R3HDM2: variants seen among roughly 807,000 people sequenced by gnomAD.
R3HDM2 encodes the protein R3H domain containing 2.
Under a neutral mutation model 124.5 loss-of-function variants are expected in R3HDM2, and 38 were observed. That is an observed-to-expected ratio of 0.31 (90% CI 0.24 to 0.40). The LOEUF (loss-of-function observed/expected upper bound fraction) is 0.40. Among genes scored for constraint, R3HDM2 ranks in the 10% least tolerant of loss-of-function variants. R3HDM2 has a pLI of 1.00. For missense variants in R3HDM2, 869 were observed against 1,236.9 expected, an observed-to-expected ratio of 0.70 and a Z score of 4.46; for synonymous variants, 391 against 448.0, an observed-to-expected ratio of 0.87 and a Z score of 1.61.
chr12:57,379,063 A>G (rs574894942), intron 2 of R3HDM2, among the ~76,000 whole-genome samples: 5 of 152,278 alleles, frequency 3.3e-5, no homozygotes, highest in Admixed American at 3.3e-4. Context: ...GCTGGGGGAA[A>G]GGGGGAGAGG....
At chr12:57,330,285 T>C (rs2057950989) in intron 2 of R3HDM2, among the ~76,000 whole-genome samples, 4 of 150,516 alleles carry the variant, frequency 2.7e-5, no homozygotes, top group Admixed American at 2.7e-4. Flanking sequence ...ATTATTAATG[T>C]ACAGAAATGC....
intron 2 of R3HDM2, among the ~76,000 whole-genome samples, chr12:57,326,687 G>A (rs1166869642): frequency 6.6e-6 from 1 of 152,206 alleles, no homozygotes; most frequent in Non-Finnish European, 1.5e-5. Context: ...TTTCAGTGTA[G>A]ACAAAAGAGC....
chr12:57,360,047 ATTTTTTT>A (rs57288626), intron 2 of R3HDM2, among the ~76,000 whole-genome samples: 2 of 113,380 alleles, frequency 1.8e-5, no homozygotes, highest in African/African-American at 3.4e-5. Context: ...ATATATATAT[ATTTTTTT>A]TTTTTTTTTG....
At chr12:57,394,537 G>T (rs1462550701) in intron 2 of R3HDM2, among the ~76,000 whole-genome samples, 1 of 152,128 alleles carries the variant, frequency 6.6e-6, no homozygotes, top group African/African-American at 2.4e-5. Flanking sequence ...GATGGCGCAT[G>T]TATACCTTTA....
chr12:57,256,136 A>G (rs1160560457), intron 22 of R3HDM2, 62 bp from the exon 23 acceptor site: 6 of 1,507,072 alleles, frequency 4.0e-6, no homozygotes, highest in Non-Finnish European at 4.6e-6. Context: ...TTGCATCAGA[A>G]TGTCTGCCTG....
chr12:57,278,396 G>T (rs929400891), intron 14 of R3HDM2, among the ~76,000 whole-genome samples: 1 of 152,024 alleles, frequency 6.6e-6, no homozygotes, highest in African/African-American at 2.4e-5. Context: ...TTGCCGTCTC[G>T]TCTGTTTCTA....
intron 1 of R3HDM2, among the ~76,000 whole-genome samples, chr12:57,396,938 A>C (rs1349235902): frequency 1.3e-5 from 2 of 152,112 alleles, no homozygotes; most frequent in East Asian, 1.9e-4. Context: ...CTAAAAATAC[A>C]AAAAATTAGC....
chr12:57,320,467 G>A lies in R3HDM2; in HGVS notation c.-35-10004C>T, dbSNP rs188778571. Among the ~76,000 whole-genome samples, 11 of 151,964 alleles carry A rather than the reference G, an allele frequency of 7.2e-5. No homozygotes were observed. The East Asian group carries it at 1.9e-3, about 27-fold the overall frequency. On this transcript the variant is annotated intron_variant, in intron 2 of 23. Coordinates refer to ENST00000402412, the MANE Select transcript of R3HDM2 (RefSeq NM_001394031.1). The stretch of plus-strand genomic sequence containing the variant: ...AACAAAGCAGACATTAGGCTCCCAG[G>A]AGGGCCTAGATGTGTGCTTCCCTAC...
At chr12:57,340,876 C>T (rs2059476636) in intron 2 of R3HDM2, among the ~76,000 whole-genome samples, 1 of 150,996 alleles carries the variant, frequency 6.6e-6, no homozygotes, top group Non-Finnish European at 1.5e-5. Context: ...TGAAAAGCGA[C>T]TGGAAGCCCA....
At chr12:57,380,120 G>A (rs1419486455) in intron 2 of R3HDM2, among the ~76,000 whole-genome samples, 1 of 152,084 alleles carries the variant, frequency 6.6e-6, no homozygotes, top group Admixed American at 6.6e-5. Flanking sequence ...CAAAAAAGCA[G>A]GTAGGAAAAC....
intron 13 of R3HDM2, among the ~76,000 whole-genome samples, chr12:57,282,139 A>G (rs1156920414): frequency 6.6e-6 from 1 of 151,974 alleles, no homozygotes. Context: ...GTGAAACCCC[A>G]TCTCTACTAA....
At chr12:57,424,896 G>A (rs547249477) in intron 1 of R3HDM2, among the ~76,000 whole-genome samples, 23 of 152,284 alleles carry the variant, frequency 1.5e-4, no homozygotes, top group African/African-American at 5.5e-4. Context: ...AACGGTGCAC[G>A]TAAAACAAAG....
At chr12:57,430,642 C>T (rs1006948412) in intron 1 of R3HDM2, 78 bp downstream of exon 1, 38 of 961,676 alleles carry the variant, frequency 4.0e-5, no homozygotes, top group Admixed American at 3.7e-4. Flanking sequence ...CCTCCTCGCG[C>T]CCGCCCGTGC....
intron 2 of R3HDM2, among the ~76,000 whole-genome samples, chr12:57,322,113 G>A (rs914008276): frequency 5.9e-5 from 9 of 152,072 alleles, no homozygotes; most frequent in Non-Finnish European, 1.0e-4. Context: ...CTGTTCGGGA[G>A]GCTGAGGCAG....
At chr12:57,357,245 T>C (rs762566746) in intron 2 of R3HDM2, among the ~76,000 whole-genome samples, 4 of 152,074 alleles carry the variant, frequency 2.6e-5, no homozygotes, top group Non-Finnish European at 5.9e-5. Flanking sequence ...GTGAATCACC[T>C]GAGGTCAGGA....
At chr12:57,271,400 G>A (rs1318768713) in intron 14 of R3HDM2, among the ~76,000 whole-genome samples, 1 of 151,942 alleles carries the variant, frequency 6.6e-6, no homozygotes, top group African/African-American at 2.4e-5. Flanking sequence ...GTTAGAGTTT[G>A]TTAGCTTCCT....
intron 2 of R3HDM2, among the ~76,000 whole-genome samples, chr12:57,315,446 G>C (rs1467099737): frequency 6.6e-6 from 1 of 152,136 alleles, no homozygotes; most frequent in Non-Finnish European, 1.5e-5. Context: ...CAAAGTGCTA[G>C]GATTACAGGC....
At chr12:57,351,134 G>A (rs2137245046) in intron 2 of R3HDM2, among the ~76,000 whole-genome samples, 1 of 152,090 alleles carries the variant, frequency 6.6e-6, no homozygotes, top group East Asian at 1.9e-4. Flanking sequence ...AATTAGCTAG[G>A]TGCTCACCTG....
chr12:57,259,513 A>G (rs772110464), intron 19 of R3HDM2, among the ~76,000 whole-genome samples: 1 of 152,194 alleles, frequency 6.6e-6, no homozygotes, highest in Non-Finnish European at 1.5e-5. Flanking sequence ...AGATAAATCC[A>G]CATAGTTTCA....
Sources: allele counts gnomAD v4.1 joint callset (sites outside exome capture counted in the v4.1 genomes callset), GRCh38; gene constraint gnomAD v4.1.1; transcripts MANE v1.5; gene names NCBI Gene and HGNC (gene_info 2026-07-23, HGNC 2026-07-21).